CARS2: variants seen among roughly 807,000 people sequenced by gnomAD.
The protein encoded by CARS2 is cysteinyl-tRNA synthetase 2, mitochondrial, also known as probable cysteine--tRNA ligase, mitochondrial.
A neutral mutation model predicts 68.8 loss-of-function variants in CARS2; 52 were observed. The observed-to-expected ratio is 0.76, with a 90% CI of 0.61 to 0.95. The LOEUF is 0.95. Among genes scored for constraint, CARS2 ranks in the 40% least tolerant of loss-of-function variants. The pLI, the probability that CARS2 is intolerant of heterozygous loss-of-function variation, is 0.00. For missense variants in CARS2, 780 were observed against 754.2 expected (o/e 1.03, Z -0.40); for synonymous variants, 314 against 303.6 (o/e 1.03, Z -0.36).
intron 11 of CARS2, 79 bp from the exon 12 acceptor site, chr13:110,646,169 G>C (rs186718177): frequency 2.0e-6 from 3 of 1,499,290 alleles, no homozygotes; most frequent in East Asian, 4.8e-5. Flanking sequence ...TCCTTCCCCA[G>C]GGAGAGACGC....
chr13:110,651,246 A>C, intron 9 of CARS2, 146 bp from the exon 10 acceptor site: 2 of 573,302 alleles, frequency 3.5e-6, no homozygotes, highest in Non-Finnish European at 6.1e-6. Flanking sequence ...CTCCAAACTC[A>C]CAATTACCAC....
chr13:110,663,420 C>T, intron 9 of CARS2, 31 bp downstream of exon 9: 1 of 1,602,214 alleles, frequency 6.2e-7, no homozygotes, highest in Non-Finnish European at 8.5e-7. Context: ...GCTATCGGCA[C>T]CTCAGAGATA....
At chr13:110,687,689 A>AAG in intron 5 of CARS2, 32 bp downstream of exon 5, 1 of 1,392,706 alleles carries the variant, frequency 7.2e-7, no homozygotes, top group Non-Finnish European at 9.9e-7. Flanking sequence ...AAAAAAAAAA[A>AAG]AAGAAAAAAA....
At chr13:110,641,833 A>G (rs1372746792) in intron 14 of CARS2, among the ~76,000 whole-genome samples, 4 of 152,182 alleles carry the variant, frequency 2.6e-5, no homozygotes, top group African/African-American at 9.7e-5. Flanking sequence ...CCCCGTGCTC[A>G]GCGTCCCCTG....
intron 8 of CARS2, chr13:110,666,707 C>T (rs921390196): frequency 7.0e-5 from 69 of 985,282 alleles, no homozygotes; most frequent in Admixed American, 6.1e-5. Context: ...TTTTAGATGT[C>T]GAAGTTTGCA....
In CARS2 at chr13:110,652,646, C is replaced by T. The variant is rs186658814; in HGVS notation, c.988-1546G>A. Among the ~76,000 whole-genome samples the T allele has an allele frequency of 4.6e-5, 7 of 152,296 alleles. No homozygotes were observed. The South Asian group carries it at 1.0e-3, about 23-fold the overall frequency. On this transcript the variant is annotated intron_variant, in intron 9 of 14. Transcript: ENST00000257347. ...ACCAGGAAGGAGCTCAGCCCCCACCCCACAGCCCAACTCCTGTCTGCCTGT... is the reference window on the plus strand; with the variant it reads ...ACCAGGAAGGAGCTCAGCCCCCACCTCACAGCCCAACTCCTGTCTGCCTGT...
Position 110,676,875 on chromosome 13 carries a change from G to A in CARS2, c.785+99C>T, listed in dbSNP as rs2062965521. On this transcript the variant is annotated intron_variant, in intron 7 of 14. Transcript: ENST00000257347. This position sits in a 1 kb window ranked among gnomAD's most constrained non-coding sequence, Gnocchi z 4.0. ...CCCAAAAAATCACCCATGGGCACACGTGCCAGGCTGCACCTGCTCCCATGC... is the reference window on the plus strand; with the variant it reads ...CCCAAAAAATCACCCATGGGCACACATGCCAGGCTGCACCTGCTCCCATGC... The A allele has an allele frequency of 1.4e-6, 2 of 1,385,822 alleles. No individual in the cohort carries two copies. The highest frequency in any genetic ancestry group is 1.5e-5 in the African/African-American group (1 of 67,818). 85.8% of individuals were successfully genotyped at this position (1,385,822 alleles called of 1,614,324 possible).
rs1888099418 is a variant in CARS2 at position 110,646,216 on chromosome 13, T to C, written c.1194-126A>G. 20 of 1,117,602 alleles carry C rather than the reference T, an allele frequency of 1.8e-5. No homozygotes were observed. In the South Asian group the frequency reaches 2.7e-4, roughly 15 times the overall value. 69.2% of individuals were successfully genotyped at this position (1,117,602 alleles called of 1,614,324 possible). ...ATCTGGGGACTTTCTCTAGGTCATA[T>C]TCCCAAAGACTTGAGTTCCTGAGTA... On this transcript the variant is annotated intron_variant, in intron 11 of 14. Coordinates refer to ENST00000257347, the MANE Select transcript of CARS2 (RefSeq NM_024537.4).
intron 9 of CARS2, among the ~76,000 whole-genome samples, chr13:110,661,543 G>A (rs140897459): frequency 7.2e-4 from 110 of 152,298 alleles, no homozygotes; most frequent in Admixed American, 1.5e-3. Context: ...TCGTGTGTTC[G>A]CTGGAATAGC....
intron 7 of CARS2, among the ~76,000 whole-genome samples, chr13:110,675,454 A>C (rs1170016154): frequency 1.3e-5 from 2 of 152,200 alleles, no homozygotes; most frequent in African/African-American, 4.8e-5. Flanking sequence ...AAACTATCAC[A>C]AGGACAGAAA....
In CARS2 at chr13:110,705,454, A is replaced by G; in HGVS notation, c.275+67T>C. 1 of 1,153,824 alleles carries G rather than the reference A, an allele frequency of 8.7e-7. No individual in the cohort carries two copies. The highest frequency in any genetic ancestry group is 1.2e-6 in the Non-Finnish European group (1 of 801,744). The allele number at this position is 1,153,824 out of a possible 1,614,324, so 71.5% of individuals were successfully genotyped here. A position where few individuals can be genotyped will look rare whatever the true frequency, so the allele number is the denominator to read the frequency against. On this transcript the variant is annotated intron_variant, in intron 2 of 14. Transcript: ENST00000257347. This position sits in a 1 kb window ranked among gnomAD's most constrained non-coding sequence, Gnocchi z 4.0. ...AGTTGCCACTTAAGAGATAAAAGAAATCAGCAAAAGGCTTTCAAAAATAAA... is the reference window on the plus strand; with the variant it reads ...AGTTGCCACTTAAGAGATAAAAGAAGTCAGCAAAAGGCTTTCAAAAATAAA...
At position 110,663,532 on chromosome 13, in the gene CARS2, A is replaced by G; in HGVS notation, c.920-14T>C. 7 of 1,613,430 alleles carry G rather than the reference A, an allele frequency of 4.3e-6. No individual in the cohort carries two copies. Among genetic ancestry groups the G allele is most frequent in the Non-Finnish European group, 5.9e-6 (7 of 1,179,784 alleles). On this transcript the variant is annotated splice_polypyrimidine_tract_variant and intron_variant, in intron 8 of 14. Coordinates refer to ENST00000257347, the MANE Select transcript of CARS2 (RefSeq NM_024537.4). ...CGTGCAAATGCCCTGAAACAAAAACAAAAGCATTCAGTCTGAGCTGGGTGA... is the reference window on the plus strand; with the variant it reads ...CGTGCAAATGCCCTGAAACAAAAACGAAAGCATTCAGTCTGAGCTGGGTGA...
Position 110,676,839 on chromosome 13 carries a change from A to G in CARS2, c.785+135T>C. ...GTTCCATGGCCCGTCACACTCCGGC[A>G]AAAATCTCTTCCCAAAAAATCACCC... On this transcript the variant is annotated intron_variant, in intron 7 of 14. Coordinates refer to ENST00000257347, the MANE Select transcript of CARS2 (RefSeq NM_024537.4). The surrounding 1 kb of genome is among the most constrained non-coding windows in gnomAD (Gnocchi z 4.0). 1 of 1,220,334 alleles carries G rather than the reference A, an allele frequency of 8.2e-7. No homozygotes were observed. Among genetic ancestry groups the G allele is most frequent in the East Asian group, 2.7e-5 (1 of 37,040 alleles). The allele number at this position is 1,220,334 out of a possible 1,614,324, so 75.6% of individuals were successfully genotyped here.
At position 110,665,550 on chromosome 13, in the gene CARS2, C is replaced by T. The variant is rs1452315416; in HGVS notation, c.919+1790G>A. On this transcript the variant is annotated intron_variant, in intron 8 of 14. Transcript: ENST00000257347. The surrounding 1 kb of genome is among the most constrained non-coding windows in gnomAD (Gnocchi z 4.3). ...TACCTGACAGGACGAAGCGTTGGCA[C>T]AGCTAAGGCTGCCCTTCTTGCCCCC... The T allele has an allele frequency of 6.1e-6, 6 of 985,522 alleles. 1 individual carries two copies. The South Asian group carries it at 1.4e-4, about 23-fold the overall frequency. 61.0% of individuals were successfully genotyped at this position (985,522 alleles called of 1,614,324 possible). A position where few individuals can be genotyped will look rare whatever the true frequency, so the allele number is the denominator to read the frequency against.
At chr13:110,651,831 G>A (rs2062223664) in intron 9 of CARS2, among the ~76,000 whole-genome samples, 1 of 152,248 alleles carries the variant, frequency 6.6e-6, no homozygotes. Context: ...AAAACCTCCT[G>A]TGGGGCGCTC....
chr13:110,689,404 C>T (rs4000216), intron 3 of CARS2, among the ~76,000 whole-genome samples: 77,924 of 152,128 alleles, frequency 0.51, 21,754 homozygotes, highest in Non-Finnish European at 0.64. Context: ...CAACGCCACA[C>T]GTGGGGCCAG....
chr13:110,683,658 C>A (rs1368969732), intron 5 of CARS2, among the ~76,000 whole-genome samples: 1 of 152,122 alleles, frequency 6.6e-6, no homozygotes, highest in South Asian at 2.1e-4. Flanking sequence ...ATGTTACACA[C>A]CAGCTAGCAA....
At chr13:110,656,904 G>A (rs920873951) in intron 9 of CARS2, among the ~76,000 whole-genome samples, 1 of 149,616 alleles carries the variant, frequency 6.7e-6, no homozygotes, top group East Asian at 2.0e-4. Flanking sequence ...AAAAAAAAAC[G>A]TTCTTAGATA....
rs1321557128 is a variant in CARS2, at chr13:110,705,776, C to T, written c.224+94G>A. The T allele has an allele frequency of 3.3e-6, 5 of 1,529,544 alleles. No homozygotes were observed. In the South Asian group the frequency reaches 6.1e-5, roughly 19 times the overall value. 94.7% of individuals were successfully genotyped at this position (1,529,544 alleles called of 1,614,324 possible). A position where few individuals can be genotyped will look rare whatever the true frequency, so the allele number is the denominator to read the frequency against. ...TAGAACGGCGCCCTCCATGCAGCTT[C>T]CTAAACGCCCTCCCCGAGCCCAGAT... On this transcript the variant is annotated intron_variant, in intron 1 of 14. Coordinates refer to ENST00000257347, the MANE Select transcript of CARS2 (RefSeq NM_024537.4). The surrounding 1 kb of genome is among the most constrained non-coding windows in gnomAD (Gnocchi z 4.0).
Sources: gnomAD v4.1 joint callset for allele counts (sites outside exome capture counted in the v4.1 genomes callset) on GRCh38, gnomAD v4.1.1 for gene constraint, Gnocchi (gnomAD v3.1) non-coding constraint, MANE v1.5 for transcripts, NCBI Gene and HGNC (gene_info 2026-07-23, HGNC 2026-07-21) for gene names.